AKAP12: variants seen among roughly 807,000 people sequenced by gnomAD.
AKAP12 encodes the protein A-kinase anchor protein 12.
AKAP12 carries 32 observed loss-of-function variants against 79.9 expected under a neutral mutation model. The ratio of observed to expected loss-of-function variants is 0.40; its 90% CI spans 0.30 to 0.54. The LOEUF (loss-of-function observed/expected upper bound fraction) is 0.54, where lower values mean the gene tolerates loss of function less well. Ranked by LOEUF, AKAP12 falls within the 20% of genes least tolerant of loss-of-function variation. The probability of loss-of-function intolerance (pLI) is 0.48; values close to 1 mark genes in which losing one functional copy is unlikely to be tolerated. For synonymous variants in AKAP12, 808 were observed against 857.0 expected, an observed-to-expected ratio of 0.94 and a Z score of 1.00; for missense variants, 2,074 against 2,177.0, an observed-to-expected ratio of 0.95 and a Z score of 0.94.
At position 151,352,162 on chromosome 6, in the gene AKAP12, T is replaced by C; in HGVS notation, c.3771T>C (p.Ile1257=). ...AGGTGTCAGTGGAAACTGTATCCAT[T>C]CTGTCAAAGACTGAGGGGACTCAAG... ...DKEVSVETVS[I]LSKTEGTQEA... Residue 1257 remains isoleucine, a synonymous_variant, in exon 4 of 5, where the codon ATT becomes ATC. Coordinates refer to ENST00000402676, the MANE Select transcript of AKAP12 (RefSeq NM_005100.4). The C allele has an allele frequency of 1.2e-6, 2 of 1,614,180 alleles. No homozygotes were observed. Among genetic ancestry groups the C allele is most frequent in the Non-Finnish European group, 1.7e-6 (2 of 1,180,028 alleles).
At chr6:151,255,047 G>A (rs76154260) in intron 2 of AKAP12, among the ~76,000 whole-genome samples, 1 of 152,064 alleles carries the variant, frequency 6.6e-6, no homozygotes. Context: ...CTTCCCAGCC[G>A]CTAGGAGGGC....
intron 3 of AKAP12, among the ~76,000 whole-genome samples, chr6:151,318,963 T>C (rs1281520254): frequency 6.6e-6 from 1 of 152,116 alleles, no homozygotes; most frequent in Non-Finnish European, 1.5e-5. Context: ...AAAATTCATG[T>C]ACCTCATTTC....
chr6:151,343,928 A>G (rs769661629), intron 3 of AKAP12: 2 of 456,384 alleles, frequency 4.4e-6, no homozygotes, highest in East Asian at 6.8e-5. Context: ...TCAGAATACT[A>G]TACATGCTTT....
At chr6:151,264,036 C>T (rs764025919) in intron 2 of AKAP12, among the ~76,000 whole-genome samples, 26 of 152,274 alleles carry the variant, frequency 1.7e-4, no homozygotes, top group Non-Finnish European at 2.9e-4. Context: ...GTTCTCATCC[C>T]TGTCAATGCA....
At chr6:151,244,518 T>A (rs963177638) in intron 2 of AKAP12, among the ~76,000 whole-genome samples, 1 of 144,898 alleles carries the variant, frequency 6.9e-6, no homozygotes, top group Non-Finnish European at 1.5e-5. Context: ...AGCGAGACTC[T>A]GTCTCAAAGA....
intron 3 of AKAP12, among the ~76,000 whole-genome samples, chr6:151,334,644 C>T (rs1182731368): frequency 3.5e-5 from 5 of 143,264 alleles, no homozygotes; most frequent in South Asian, 2.5e-4. Flanking sequence ...TTCTTTGAGA[C>T]GGAGTCTTGC....
chr6:151,260,696 A>G (rs1279126474), intron 2 of AKAP12, among the ~76,000 whole-genome samples: 2 of 152,182 alleles, frequency 1.3e-5, no homozygotes, highest in African/African-American at 2.4e-5. Context: ...TTGATACTGC[A>G]CATTTTTCTC....
chr6:151,252,878 G>A (rs1356971526), intron 2 of AKAP12, among the ~76,000 whole-genome samples: 3 of 152,156 alleles, frequency 2.0e-5, no homozygotes, highest in Non-Finnish European at 4.4e-5. Flanking sequence ...AAAGAGCCTG[G>A]TCATTGACTG....
At chr6:151,325,592 A>G (rs559830568) in intron 3 of AKAP12, 282 of 1,334,364 alleles carry the variant, frequency 2.1e-4, no homozygotes, top group Non-Finnish European at 2.4e-4. Context: ...GGGAGGGGCC[A>G]GCGCCAGCCC....
intron 2 of AKAP12, among the ~76,000 whole-genome samples, chr6:151,266,958 C>T (rs899760892): frequency 2.9e-5 from 4 of 138,554 alleles, no homozygotes; most frequent in Non-Finnish European, 6.0e-5. Flanking sequence ...TGGAGCCTGC[C>T]GTGAGCCGAG....
intron 2 of AKAP12, among the ~76,000 whole-genome samples, chr6:151,263,516 T>G (rs73613423): frequency 0.063 from 9,596 of 152,222 alleles, 398 homozygotes; most frequent in African/African-American, 0.11. Flanking sequence ...AATAATAAAT[T>G]CCTTCTTCAG....
chr6:151,279,803 C>T (rs919129960), intron 2 of AKAP12, among the ~76,000 whole-genome samples: 2 of 151,884 alleles, frequency 1.3e-5, no homozygotes, highest in African/African-American at 2.4e-5. Flanking sequence ...CTAACGATTG[C>T]ACCACTGCAC....
intron 3 of AKAP12, among the ~76,000 whole-genome samples, chr6:151,322,080 T>C (rs976175119): frequency 5.3e-5 from 8 of 151,986 alleles, no homozygotes; most frequent in African/African-American, 1.9e-4. Context: ...CGGCTAATTT[T>C]TGTATTTTTA....
chr6:151,345,930 TGTGAGAGAGA>T (rs1254420238), intron 3 of AKAP12, among the ~76,000 whole-genome samples: 7 of 108,752 alleles, frequency 6.4e-5, no homozygotes, highest in African/African-American at 1.5e-4. Flanking sequence ...TGTGTGTGTG[TGTGAGAGAGA>T]GAGAGAGAGA....
chr6:151,349,617 A>C lies in AKAP12; in HGVS notation c.1226A>C (p.Glu409Ala). Residue 409 changes from glutamate (E) to alanine (A), a missense_variant, in exon 4 of 5, where the codon GAA (glutamate) becomes GCA (alanine). Glu to Ala is a moderately radical substitution (Grantham distance 107). Transcript: ENST00000402676. The stretch of plus-strand genomic sequence containing the variant: ...ACAGAAGTGTTTGATGAGAAAATAG[A>C]AGTCCACCAAGAAGAGGTTGTGGCC... ...LATEVFDEKIEVHQEEVVAEV... is the reference protein window; with the variant it reads ...LATEVFDEKIAVHQEEVVAEV... 1 of 1,611,072 alleles carries C rather than the reference A, an allele frequency of 6.2e-7. No homozygotes were observed. Among genetic ancestry groups the C allele is most frequent in the Non-Finnish European group, 8.5e-7 (1 of 1,179,168 alleles).
Position 151,351,104 on chromosome 6 carries a change from A to G in AKAP12, c.2713A>G (p.Ile905Val). 1 of 1,614,258 alleles carries G rather than the reference A, an allele frequency of 6.2e-7. No homozygotes were observed. Among genetic ancestry groups the G allele is most frequent in the Non-Finnish European group, 8.5e-7 (1 of 1,180,048 alleles). Residue 905 changes from isoleucine to valine, a missense_variant, in exon 4 of 5, where the codon ATT (isoleucine) becomes GTT (valine). By Grantham distance (29) the Ile-to-Val change is conservative (BLOSUM62 3). Coordinates refer to ENST00000402676, the MANE Select transcript of AKAP12 (RefSeq NM_005100.4). The surrounding 1 kb of genome is among the most constrained non-coding windows in gnomAD (Gnocchi z 4.4). ...CGCTGACGGGACGAGGGCAGCTACC[A>G]TTATTGAAGAAAGGTCTCCTTCTTG... ...AVADGTRAATIIEERSPSWIS... is the reference protein window; with the variant it reads ...AVADGTRAATVIEERSPSWIS...
intron 2 of AKAP12, among the ~76,000 whole-genome samples, chr6:151,257,829 A>C (rs962534270): frequency 6.6e-6 from 1 of 152,188 alleles, no homozygotes; most frequent in Non-Finnish European, 1.5e-5. Context: ...ATCTGTCTAG[A>C]CTTGCTGATA....
chr6:151,339,057 C>T lies in AKAP12; in HGVS notation c.320-9654C>T, dbSNP rs572946914. 2.0e-5 allele frequency among the ~76,000 whole-genome samples: 3 copies of T among 152,306 alleles called. No individual in the cohort carries two copies. The East Asian group carries it at 5.8e-4, about 29-fold the overall frequency. On this transcript the variant is annotated intron_variant, in intron 3 of 4. Coordinates refer to ENST00000402676, the MANE Select transcript of AKAP12 (RefSeq NM_005100.4). Reference sequence around the variant, plus strand: ...GTGGGTAGGATTTATGCACTCTTTTCAAAACGATGCATGACTGTAACTGTG... The same window carrying T: ...GTGGGTAGGATTTATGCACTCTTTTTAAAACGATGCATGACTGTAACTGTG...
intron 3 of AKAP12, among the ~76,000 whole-genome samples, chr6:151,326,630 C>T (rs1009251674): frequency 6.6e-6 from 1 of 152,054 alleles, no homozygotes; most frequent in African/African-American, 2.4e-5. Flanking sequence ...TTAGAATGCT[C>T]TTACAGCTCC....
Sources: allele counts gnomAD v4.1 joint callset (sites outside exome capture counted in the v4.1 genomes callset), GRCh38; gene constraint gnomAD v4.1.1; non-coding constraint Gnocchi (gnomAD v3.1); transcripts MANE v1.5; gene names NCBI Gene and HGNC (gene_info 2026-07-23, HGNC 2026-07-21).